The following STK24 variants were observed in gnomAD, a reference collection of about 807,000 sequenced individuals.
The protein encoded by STK24 is serine/threonine-protein kinase 24.
Under a neutral mutation model 55.6 loss-of-function variants are expected in STK24, and 21 were observed. That is an observed-to-expected ratio of 0.38 (90% confidence interval 0.27 to 0.54). STK24 has a LOEUF of 0.54. Among genes scored for constraint, STK24 ranks in the 20% least tolerant of loss-of-function variants. The probability of loss-of-function intolerance (pLI) is 0.79; values close to 1 mark genes in which losing one functional copy is unlikely to be tolerated. For missense variants in STK24, 383 were observed against 538.4 expected (o/e 0.71, Z 2.86); for synonymous variants, 200 against 215.2 (o/e 0.93, Z 0.62).
intron 1 of STK24, among the ~76,000 whole-genome samples, chr13:98,541,009 G>A (rs1443377296): frequency 6.6e-6 from 1 of 152,124 alleles, no homozygotes; most frequent in Non-Finnish European, 1.5e-5. Flanking sequence ...TTTAGCAGGA[G>A]ACAAAATAAG....
rs60259286 is a variant in STK24 at position 98,450,039 on chromosome 13, ATGATTGAT to A, written c.*3126_*3133del. ...AGTCTCCTCAGCTATTTATTTCTGA[ATGATTGAT>A]TGATTCCAAACTACTTGCTGGACAC... On this transcript the variant is annotated 3_prime_UTR_variant, in exon 11 of 11. Transcript: ENST00000539966. 1 of 151,864 alleles carries A rather than the reference ATGATTGAT, an allele frequency of 6.6e-6. No individual in the cohort carries two copies. The highest frequency in any genetic ancestry group is 1.5e-5 in the Non-Finnish European group (1 of 67,898). 9.4% of individuals were successfully genotyped at this position (151,864 alleles called of 1,614,324 possible). A position where few individuals can be genotyped will look rare whatever the true frequency, so the allele number is the denominator to read the frequency against.
intron 5 of STK24, among the ~76,000 whole-genome samples, chr13:98,468,298 G>C (rs1411324573): frequency 6.6e-6 from 1 of 152,246 alleles, no homozygotes; most frequent in Non-Finnish European, 1.5e-5. Context: ...GGTCAGTCTA[G>C]AAGAGCTGAC....
At chr13:98,525,330 C>T (rs1419101283) in intron 1 of STK24, among the ~76,000 whole-genome samples, 2 of 152,194 alleles carry the variant, frequency 1.3e-5, no homozygotes, top group African/African-American at 4.8e-5. Flanking sequence ...ACCCCACAGC[C>T]CGTGCCTGAA....
intron 9 of STK24, among the ~76,000 whole-genome samples, chr13:98,458,184 C>A (rs530184247): frequency 6.6e-6 from 1 of 152,318 alleles, no homozygotes; most frequent in African/African-American, 2.4e-5. Context: ...ACAACAGTGC[C>A]TTCAGACACT....
chr13:98,551,151 T>G (rs1414167034), intron 1 of STK24, among the ~76,000 whole-genome samples: 1 of 151,912 alleles, frequency 6.6e-6, no homozygotes, highest in Admixed American at 6.6e-5. Context: ...CCGGGCATGG[T>G]GGCGGGCGCC....
chr13:98,519,385 T>C lies in STK24; in HGVS notation c.131A>G (p.Asn44Ser), dbSNP rs757979383. ...SFGEVFKGIDNRTQKVVAIKI... is the reference protein window; with the variant it reads ...SFGEVFKGIDSRTQKVVAIKI... Reference sequence around the variant, plus strand: ...TATGGCAACCACTTTCTGAGTCCGATTGTCAATGCCTTTGAACACCTCTCC... The same window carrying C: ...TATGGCAACCACTTTCTGAGTCCGACTGTCAATGCCTTTGAACACCTCTCC... The change falls in exon 2 of 11, where the codon AAT (asparagine) becomes AGT (serine). Residue 44 changes from asparagine (N) to serine (S), a missense_variant. Transcript: ENST00000539966. The C allele has an allele frequency of 1.2e-5, 19 of 1,614,130 alleles. No homozygotes were observed. Among genetic ancestry groups the C allele is most frequent in the South Asian group, 4.4e-5 (4 of 91,092 alleles).
At chr13:98,485,201 G>A (rs565075856) in intron 2 of STK24, among the ~76,000 whole-genome samples, 72 of 152,292 alleles carry the variant, frequency 4.7e-4, no homozygotes, top group Non-Finnish European at 8.4e-4. Flanking sequence ...AGTAATTCAC[G>A]CAGAGCCAGC....
chr13:98,516,554 TG>T (rs200575471), intron 2 of STK24, among the ~76,000 whole-genome samples: 1,568 of 152,308 alleles, frequency 0.01, 25 homozygotes, highest in African/African-American at 0.035. Context: ...GTGTGGGTCA[TG>T]TGGCTGAGTT....
At chr13:98,503,457 G>T (rs1422786664) in intron 2 of STK24, among the ~76,000 whole-genome samples, 2 of 152,250 alleles carry the variant, frequency 1.3e-5, no homozygotes, top group Admixed American at 1.3e-4. Context: ...CCTCCTGGCA[G>T]CAAGTGAAAG....
At chr13:98,464,252 C>T (rs546527299) in intron 6 of STK24, among the ~76,000 whole-genome samples, 20 of 151,902 alleles carry the variant, frequency 1.3e-4, no homozygotes, top group African/African-American at 4.6e-4. Flanking sequence ...CCCGTCTTTA[C>T]TAAAAATACA....
At chr13:98,500,168 T>C (rs1895397940) in intron 2 of STK24, among the ~76,000 whole-genome samples, 1 of 152,254 alleles carries the variant, frequency 6.6e-6, no homozygotes, top group Non-Finnish European at 1.5e-5. Context: ...TTGCCTTTTA[T>C]TTAATGCTTC....
Position 98,457,241 on chromosome 13 carries a change from T to C in STK24, c.1186A>G (p.Ile396Val), listed in dbSNP as rs1164498258. ...LGSIEELRGAIYLAEEACPGI... is the reference protein window; with the variant it reads ...LGSIEELRGAVYLAEEACPGI... ...GGGCACGCCTCCTCCGCTAGGTAGA[T>C]GGCCCCTCGCAGCTCTTCAATGGAC... Residue 396 changes from isoleucine (I) to valine (V), a missense_variant, in exon 10 of 11, where the codon ATC becomes GTC. Transcript: ENST00000539966. 11 of 1,613,622 alleles carry C rather than the reference T, an allele frequency of 6.8e-6. No homozygotes were observed. The highest frequency in any genetic ancestry group is 8.5e-6 in the Non-Finnish European group (10 of 1,180,038).
chr13:98,531,981 T>C (rs1373433517), intron 1 of STK24, among the ~76,000 whole-genome samples: 1 of 152,174 alleles, frequency 6.6e-6, no homozygotes, highest in Non-Finnish European at 1.5e-5. Flanking sequence ...CTGGGCTGCA[T>C]GTGGGTAGCT....
intron 2 of STK24, among the ~76,000 whole-genome samples, chr13:98,497,805 C>A (rs1389718772): frequency 6.6e-6 from 1 of 152,208 alleles, no homozygotes; most frequent in Non-Finnish European, 1.5e-5. Context: ...AAAACTGGCA[C>A]AGCAATGGAA....
chr13:98,474,779 C>T (rs1420114355), intron 5 of STK24, 42 bp downstream of exon 5: 1 of 1,561,042 alleles, frequency 6.4e-7, no homozygotes, highest in Non-Finnish European at 8.7e-7. Flanking sequence ...GGGAGCCCTC[C>T]AGGCCTCGTG....
chr13:98,521,384 A>G (rs1896255255), intron 1 of STK24, among the ~76,000 whole-genome samples: 1 of 152,202 alleles, frequency 6.6e-6, no homozygotes, highest in Non-Finnish European at 1.5e-5. Context: ...ACAGGTTTTA[A>G]AAAACACAGT....
At chr13:98,568,238 C>T (rs939572050) in intron 1 of STK24, among the ~76,000 whole-genome samples, 13 of 152,200 alleles carry the variant, frequency 8.5e-5, no homozygotes, top group Non-Finnish European at 1.2e-4. Context: ...CTCAAATGAT[C>T]CACCCGCTTC....
chr13:98,559,016 A>C (rs889663183), intron 1 of STK24, among the ~76,000 whole-genome samples: 5 of 148,524 alleles, frequency 3.4e-5, no homozygotes, highest in African/African-American at 1.2e-4. Flanking sequence ...AAAAAAAAAA[A>C]AAAAAAAAAA....
chr13:98,533,171 G>A (rs1201557719), intron 1 of STK24, among the ~76,000 whole-genome samples: 1 of 152,166 alleles, frequency 6.6e-6, no homozygotes, highest in Non-Finnish European at 1.5e-5. Flanking sequence ...TTGAGGCCAG[G>A]AGTTCAAGAC....
Sources: gnomAD v4.1 joint callset for allele counts (sites outside exome capture counted in the v4.1 genomes callset) on GRCh38, gnomAD v4.1.1 for gene constraint, MANE v1.5 for transcripts, NCBI Gene and HGNC (gene_info 2026-07-23, HGNC 2026-07-21) for gene names.